Variants in NRXN1 observed in about 807,000 individuals in gnomAD.
NRXN1 encodes neurexin 1.
A neutral mutation model predicts 150.9 loss-of-function variants in NRXN1; 39 were observed. The ratio of observed to expected loss-of-function variants is 0.26; its 90% CI spans 0.20 to 0.34. The LOEUF (loss-of-function observed/expected upper bound fraction) is 0.34. NRXN1 is among the 10% of genes least tolerant of loss of function. The probability of loss-of-function intolerance (pLI) is 1.00; values close to 1 mark genes in which losing one functional copy is unlikely to be tolerated. For missense variants in NRXN1, 1,815 were observed against 1,949.9 expected (o/e 0.93, Z 1.30); for synonymous variants, 924 against 757.0 (o/e 1.22, Z -3.62).
At chr2:49,936,236 T>A (rs889230339) in intron 22 of NRXN1, among the ~76,000 whole-genome samples, 3 of 152,208 alleles carry the variant, frequency 2.0e-5, no homozygotes, top group Admixed American at 6.5e-5. Context: ...TGGCCAATCA[T>A]ATGTTAGTTA....
In NRXN1 at chr2:50,870,467, G is replaced by A. The variant is rs117250381; in HGVS notation, c.832+51402C>T. Reference sequence around the variant, plus strand: ...CATGCACCAACACACATGGCAGTCAGGTCTTATTTTGTACCCAGACATTCT... The same window carrying A: ...CATGCACCAACACACATGGCAGTCAAGTCTTATTTTGTACCCAGACATTCT... On this transcript the variant is annotated intron_variant, in intron 5 of 22. Transcript: ENST00000401669. Among the ~76,000 whole-genome samples the A allele has an allele frequency of 2.7e-4, 41 of 151,976 alleles. No homozygotes were observed. The East Asian group carries it at 7.8e-3, about 29-fold the overall frequency.
chr2:50,806,895 G>C (rs910539154), intron 5 of NRXN1, among the ~76,000 whole-genome samples: 3 of 152,088 alleles, frequency 2.0e-5, no homozygotes, highest in African/African-American at 7.2e-5. Flanking sequence ...TTAGCCCCTT[G>C]AAGGCAGGTA....
At chr2:50,949,279 T>C (rs1285794348) in intron 2 of NRXN1, among the ~76,000 whole-genome samples, 1 of 151,976 alleles carries the variant, frequency 6.6e-6, no homozygotes, top group Non-Finnish European at 1.5e-5. Flanking sequence ...GAAATAGGGA[T>C]TTAGTTAAAC....
At chr2:50,651,060 C>T (rs1234715138) in intron 5 of NRXN1, among the ~76,000 whole-genome samples, 2 of 151,984 alleles carry the variant, frequency 1.3e-5, no homozygotes, top group Admixed American at 6.6e-5. Context: ...CTTTTAAGCA[C>T]AGGTTCTTTT....
intron 18 of NRXN1, among the ~76,000 whole-genome samples, chr2:50,214,267 G>A (rs1438967186): frequency 1.3e-5 from 2 of 151,986 alleles, no homozygotes; most frequent in Non-Finnish European, 2.9e-5. Flanking sequence ...CTCACTCTGT[G>A]ATCACAATTC....
At chr2:50,557,679 A>G (rs1209947438) in intron 8 of NRXN1, among the ~76,000 whole-genome samples, 3 of 152,220 alleles carry the variant, frequency 2.0e-5, no homozygotes, top group Non-Finnish European at 4.4e-5. Flanking sequence ...GGGTCCTAGC[A>G]TGGAGTAAGT....
intron 17 of NRXN1, among the ~76,000 whole-genome samples, chr2:50,319,680 A>AAGACAGTGGCAGACAGTGGC (rs11277736): frequency 6.6e-6 from 1 of 152,004 alleles, no homozygotes; most frequent in East Asian, 1.9e-4. Flanking sequence ...CTTTGGAAAG[A>AAGACAGTGGCAGACAGTGGC]AGACAGTGGC....
At chr2:50,666,928 TTTA>T (rs979033577) in intron 5 of NRXN1, among the ~76,000 whole-genome samples, 1 of 151,220 alleles carries the variant, frequency 6.6e-6, no homozygotes, top group Non-Finnish European at 1.5e-5. Context: ...TTTAAAAAAC[TTTA>T]TTGATTCTAG....
At chr2:49,977,625 C>T (rs994885865) in intron 21 of NRXN1, among the ~76,000 whole-genome samples, 1 of 151,966 alleles carries the variant, frequency 6.6e-6, no homozygotes, top group Admixed American at 6.6e-5. Flanking sequence ...TTACAGAAAA[C>T]AGGAAAAAAC....
At chr2:50,959,147 T>C (rs923583626) in intron 2 of NRXN1, among the ~76,000 whole-genome samples, 2 of 152,072 alleles carry the variant, frequency 1.3e-5, no homozygotes, top group African/African-American at 2.4e-5. Flanking sequence ...TTTCTTATCA[T>C]ACACTGCTGA....
At chr2:50,895,513 G>A (rs910841974) in intron 5 of NRXN1, among the ~76,000 whole-genome samples, 5 of 151,924 alleles carry the variant, frequency 3.3e-5, no homozygotes, top group Admixed American at 1.3e-4. Flanking sequence ...GAAATGAGTG[G>A]GTCACTATAA....
At chr2:50,831,497 G>A (rs1365310892) in intron 5 of NRXN1, among the ~76,000 whole-genome samples, 12 of 152,036 alleles carry the variant, frequency 7.9e-5, no homozygotes, top group Admixed American at 7.9e-4. Context: ...TGAGTAGAGG[G>A]GGCTTGAGGG....
At chr2:50,895,587 CT>C (rs1003149511) in intron 5 of NRXN1, among the ~76,000 whole-genome samples, 21 of 138,956 alleles carry the variant, frequency 1.5e-4, no homozygotes, top group Admixed American at 2.9e-4. Context: ...GTTTGTTTGT[CT>C]TTTTTTTTTG....
At chr2:50,318,410 T>C (rs888561758) in intron 17 of NRXN1, among the ~76,000 whole-genome samples, 4 of 152,252 alleles carry the variant, frequency 2.6e-5, no homozygotes, top group South Asian at 4.1e-4. Context: ...GTATGCATTA[T>C]ATGTACTGCA....
At position 50,091,422 on chromosome 2, in the gene NRXN1, T is replaced by G. The variant is rs1428549863; in HGVS notation, c.3619A>C (p.Ile1207Leu). The G allele has an allele frequency of 6.2e-6, 10 of 1,614,218 alleles. No homozygotes were observed. Among genetic ancestry groups the G allele is most frequent in the Non-Finnish European group, 8.5e-6 (10 of 1,180,026 alleles). The stretch of plus-strand genomic sequence containing the variant: ...ACTACATGGTATTTCCCATCATTAA[T>G]GATTGCATTGGATTCTTCAATGGCG... ...DIAIEESNAI[I>L]NDGKYHVVRF... Residue 1207 changes from isoleucine (I) to leucine (L), a missense_variant, in exon 19 of 23, where the codon ATT (isoleucine) becomes CTT (leucine). Coordinates refer to ENST00000401669, the MANE Select transcript of NRXN1 (RefSeq NM_001330078.2).
rs533003499 is a variant in NRXN1 at position 50,313,029 on chromosome 2, T to C, written c.3365-76059A>G. Among the ~76,000 whole-genome samples the C allele has an allele frequency of 3.9e-5, 6 of 152,148 alleles. No individual in the cohort carries two copies. The South Asian group carries it at 1.2e-3, about 32-fold the overall frequency. On this transcript the variant is annotated intron_variant, in intron 17 of 22. Coordinates refer to ENST00000401669, the MANE Select transcript of NRXN1 (RefSeq NM_001330078.2). The stretch of plus-strand genomic sequence containing the variant: ...ATATATCAAGAAATAAGTTAAAGTA[T>C]ATAACAACATTATATATGGGTAAAT...
intron 5 of NRXN1, among the ~76,000 whole-genome samples, chr2:50,643,892 A>G (rs572978618): frequency 1.9e-4 from 29 of 151,916 alleles, no homozygotes; most frequent in South Asian, 8.3e-4. Context: ...TTGCATATCA[A>G]TTTTACAGTT....
rs76510264 is a variant in NRXN1, at chr2:50,036,039, C to T, written c.4128+17232G>A. 7.1e-3 allele frequency among the ~76,000 whole-genome samples: 1,078 copies of T among 152,166 alleles called. 11 individuals carry two copies. The highest frequency in any genetic ancestry group is 0.024 in the African/African-American group (1,006 of 41,530). ...CAACCTTTACCTAGGAGACTGCCTTCGGAGGAAAATGCGCAGAATAGAAAT... is the reference window on the plus strand; with the variant it reads ...CAACCTTTACCTAGGAGACTGCCTTTGGAGGAAAATGCGCAGAATAGAAAT... On this transcript the variant is annotated intron_variant, in intron 21 of 22. Coordinates refer to ENST00000401669, the MANE Select transcript of NRXN1 (RefSeq NM_001330078.2).
chr2:50,221,806 T>C (rs956408668), intron 18 of NRXN1, among the ~76,000 whole-genome samples: 2 of 152,026 alleles, frequency 1.3e-5, no homozygotes, highest in South Asian at 2.1e-4. Context: ...TCCCTTGATA[T>C]AATCCACCCT....
Sources: gnomAD v4.1 joint callset for allele counts (sites outside exome capture counted in the v4.1 genomes callset) on GRCh38, gnomAD v4.1.1 for gene constraint, MANE v1.5 for transcripts, NCBI Gene and HGNC (gene_info 2026-07-23, HGNC 2026-07-21) for gene names.